MYH3: variants seen among roughly 807,000 people sequenced by gnomAD.
MYH3 encodes the protein myosin-3.
MYH3 carries 130 observed loss-of-function variants against 238.0 expected under a neutral mutation model. The ratio of observed to expected loss-of-function variants is 0.55; its 90% CI spans 0.47 to 0.63. The LOEUF (loss-of-function observed/expected upper bound fraction) is 0.63. MYH3 is among the 30% of genes least tolerant of loss of function. MYH3 has a pLI of 0.00. For missense variants in MYH3, 1,853 were observed against 2,374.9 expected (o/e 0.78, Z 4.57); for synonymous variants, 880 against 924.1 (o/e 0.95, Z 0.86).
chr17:10,666,667 G>C, the MYH3 span, among the ~76,000 whole-genome samples: 3 of 151,886 alleles, frequency 2.0e-5, no homozygotes, highest in Non-Finnish European at 2.9e-5. Flanking sequence ...GAGGCTGAGG[G>C]GGGAGGACTG....
chr17:10,648,814 TA>T (rs2030785797), intron 7 of MYH3, among the ~76,000 whole-genome samples, 165 bp from the exon 8 acceptor site: 1 of 152,190 alleles, frequency 6.6e-6, no homozygotes, highest in South Asian at 2.1e-4. Context: ...TACCTGGGAC[TA>T]CAGGCATGCA....
At chr17:10,663,936 A>G in the MYH3 span, among the ~76,000 whole-genome samples, 3 of 151,646 alleles carry the variant, frequency 2.0e-5, no homozygotes, top group African/African-American at 4.8e-5. Flanking sequence ...GGTGGCGTGC[A>G]CCTGTAATCC....
rs2074411674 is a variant in MYH3, at chr17:10,654,711, G to A, written c.204+150C>T. The stretch of plus-strand genomic sequence containing the variant: ...CAGTATTCACTCTGCTTTCTCTGAG[G>A]ATACCTGGGAAGCCCCAGGCTACAT... On this transcript the variant is annotated intron_variant, in intron 3 of 40. Transcript: ENST00000583535. This position sits in a 1 kb window ranked among gnomAD's most constrained non-coding sequence, Gnocchi z 4.5. 1.3e-6 allele frequency: 1 copy of A among 781,454 alleles called. No individual in the cohort carries two copies. Among genetic ancestry groups the A allele is most frequent in the Non-Finnish European group, 2.3e-6 (1 of 437,694 alleles). 48.4% of individuals were successfully genotyped at this position (781,454 alleles called of 1,614,324 possible).
At position 10,630,262 on chromosome 17, in the gene MYH3, G is replaced by A. The variant is rs772307067; in HGVS notation, c.5457+26C>T. On this transcript the variant is annotated intron_variant, in intron 37 of 40. Coordinates refer to ENST00000583535, the MANE Select transcript of MYH3 (RefSeq NM_002470.4). Reference sequence around the variant, plus strand: ...TGATTGGGAGGCTGGAAAGCTCAGCGCAGGCGGGGTTCCTCCTGCACACAC... The same window carrying A: ...TGATTGGGAGGCTGGAAAGCTCAGCACAGGCGGGGTTCCTCCTGCACACAC... The A allele has an allele frequency of 6.4e-6, 10 of 1,564,284 alleles. No homozygotes were observed. In the African/African-American group the frequency reaches 7.0e-5, roughly 11 times the overall value.
chr17:10,673,849 G>A, the MYH3 span: 1 of 152,272 alleles, frequency 6.6e-6, no homozygotes, highest in East Asian at 1.9e-4. Flanking sequence ...GTTCTGACAG[G>A]GAGTGACAGT....
In MYH3 at chr17:10,632,631, C is replaced by G. The variant is rs764578014; in HGVS notation, c.4801G>C (p.Ala1601Pro). Residue 1601 changes from alanine (A) to proline (P), a missense_variant, in exon 34 of 41, where the codon GCC (alanine) becomes CCC (proline). Physicochemically the swap from Ala to Pro is conservative, Grantham distance 27. This residue lies in a region of MYH3 where 1,044 missense variants were observed against 1,192.6 expected (regional missense o/e 0.88). Transcript: ENST00000583535. ...YQRTVETMQSALDAEVRSRNE... is the reference protein window; with the variant it reads ...YQRTVETMQSPLDAEVRSRNE... ...CTGCTCCGCACCTCGGCGTCCAGGG[C>G]GCTCTGCATGGTTTCCACTGTTCTC... 1 of 1,614,152 alleles carries G rather than the reference C, an allele frequency of 6.2e-7. No individual in the cohort carries two copies. The highest frequency in any genetic ancestry group is 8.5e-7 in the Non-Finnish European group (1 of 1,180,034).
At chr17:10,638,588 C>G (rs772056282) in intron 26 of MYH3, among the ~76,000 whole-genome samples, 156 bp from the exon 27 acceptor site, 1 of 152,146 alleles carries the variant, frequency 6.6e-6, no homozygotes, top group Non-Finnish European at 1.5e-5. Context: ...ATTTTTTCTG[C>G]CCCAACATGG....
intron 17 of MYH3, 49 bp from the exon 18 acceptor site, chr17:10,641,421 G>A: frequency 7.8e-7 from 1 of 1,284,084 alleles, no homozygotes. Context: ...AGGTTTTTAT[G>A]AAGACAGAGA....
chr17:10,634,049 T>G lies in MYH3; in HGVS notation c.4490A>C (p.Glu1497Ala). 6.2e-7 allele frequency: 1 copy of G among 1,614,212 alleles called. No individual in the cohort carries two copies. The highest frequency in any genetic ancestry group is 8.5e-7 in the Non-Finnish European group (1 of 1,180,038). The change falls in exon 32 of 41, where the codon GAA becomes GCA. Residue 1497 changes from glutamate to alanine, a missense_variant. Transcript: ENST00000583535. ...GTTCTTATTTTCCCGTTTCACAGTT[T>G]CAAGTTGATCTAAGGCTTCCTCGTA... is the stretch of plus-strand genomic sequence containing the variant. ...NAYEEALDQL[E>A]TVKRENKNLE...
chr17:10,665,134 A>AT, the MYH3 span, among the ~76,000 whole-genome samples: 1 of 146,576 alleles, frequency 6.8e-6, no homozygotes, highest in African/African-American at 2.5e-5. Context: ...TTATTCATTT[A>AT]TTTTTATTTT....
chr17:10,666,693 C>T, the MYH3 span, among the ~76,000 whole-genome samples: 6 of 151,906 alleles, frequency 3.9e-5, no homozygotes, highest in Non-Finnish European at 8.8e-5. Context: ...GCCCATGAGG[C>T]CAAGGCTACA....
chr17:10,654,173 CCTTG>C lies in MYH3; in HGVS notation c.204+684_204+687del, dbSNP rs918447436. On this transcript the variant is annotated intron_variant, in intron 3 of 40. Transcript: ENST00000583535. The surrounding 1 kb of genome is among the most constrained non-coding windows in gnomAD (Gnocchi z 4.5). ...TTTCTCTTTCTTTCTTTCCTTCCTT[CCTTG>C]CTTTCTTTCTTCCTTCTTTCTTTCC... Among the ~76,000 whole-genome samples, 5 of 151,212 alleles carry C rather than the reference CCTTG, an allele frequency of 3.3e-5. No homozygotes were observed. Among genetic ancestry groups the C allele is most frequent in the Admixed American group, 2.0e-4 (3 of 15,044 alleles).
intron 14 of MYH3, among the ~76,000 whole-genome samples, chr17:10,643,299 G>C (rs999908428): frequency 2.0e-5 from 3 of 151,994 alleles, no homozygotes; most frequent in Admixed American, 6.6e-5. Flanking sequence ...TAGACTACAA[G>C]CTCATCTGTT....
At chr17:10,671,914 T>C in the MYH3 span, among the ~76,000 whole-genome samples, 1 of 152,206 alleles carries the variant, frequency 6.6e-6, no homozygotes, top group Non-Finnish European at 1.5e-5. Context: ...GGTGTTCATC[T>C]TTTATTTCCT....
Position 10,636,067 on chromosome 17 carries a change from G to A in MYH3, c.3857-214C>T, listed in dbSNP as rs372423599. Among the ~76,000 whole-genome samples, 18 of 152,248 alleles carry A rather than the reference G, an allele frequency of 1.2e-4. No individual in the cohort carries two copies. In the East Asian group the frequency reaches 2.9e-3, roughly 25 times the overall value. On this transcript the variant is annotated intron_variant, in intron 28 of 40. Coordinates refer to ENST00000583535, the MANE Select transcript of MYH3 (RefSeq NM_002470.4). The stretch of plus-strand genomic sequence containing the variant: ...AGGCCAGGTGCAGTGGCTCACGCCT[G>A]TAATCCCAGCACTTTGGGAGGCTGA...
intron 28 of MYH3, among the ~76,000 whole-genome samples, chr17:10,637,256 C>T (rs1010119560): frequency 6.6e-6 from 1 of 152,020 alleles, no homozygotes; most frequent in Non-Finnish European, 1.5e-5. Flanking sequence ...GACGGGGTTT[C>T]ACCATGTCGG....
rs1567564110 is a variant in MYH3 at position 10,654,999 on chromosome 17, C to A, written c.66G>T (p.Lys22Asn). The change falls in exon 3 of 41, where the codon AAG (lysine) becomes AAT (asparagine). Residue 22 changes from lysine (K) to asparagine (N), a missense_variant. Transcript: ENST00000583535. The surrounding 1 kb of genome is among the most constrained non-coding windows in gnomAD (Gnocchi z 4.5). ...IAAPFLRKSE[K>N]ERIEAQNQPF... Reference sequence around the variant, plus strand: ...GCTGGTTCTGAGCCTCGATCCTCTCCTTTTCTGACTTCCGGAGGAAAGGAG... The same window carrying A: ...GCTGGTTCTGAGCCTCGATCCTCTCATTTTCTGACTTCCGGAGGAAAGGAG... 2 of 1,614,210 alleles carry A rather than the reference C, an allele frequency of 1.2e-6. No individual in the cohort carries two copies. Among genetic ancestry groups the A allele is most frequent in the Non-Finnish European group, 1.7e-6 (2 of 1,180,032 alleles).
Position 10,642,686 on chromosome 17 carries a change from A to C in MYH3, c.1619T>G (p.Met540Arg). Residue 540 changes from methionine (M) to arginine (R), a missense_variant, in exon 16 of 41, where the codon ATG becomes AGG. Physicochemically the swap from Met to Arg is moderately conservative, Grantham distance 91. Transcript: ENST00000583535. The surrounding 1 kb of genome is among the most constrained non-coding windows in gnomAD (Gnocchi z 5.4). ...GGAGGTGTCTGTTGCCTTGGGGAAC[A>C]TGCACTCCTCTTCCAGGATGGAGAA... Reference protein sequence around the residue: ...GIFSILEEECMFPKATDTSFK... With the variant: ...GIFSILEEECRFPKATDTSFK... The C allele has an allele frequency of 3.1e-6, 5 of 1,614,234 alleles. No individual in the cohort carries two copies. The highest frequency in any genetic ancestry group is 4.2e-6 in the Non-Finnish European group (5 of 1,180,050).
At chr17:10,635,085 T>G in intron 30 of MYH3, 62 bp from the exon 31 acceptor site, 1 of 1,533,442 alleles carries the variant, frequency 6.5e-7, no homozygotes, top group Non-Finnish European at 9.0e-7. Context: ...AACATCACTA[T>G]TCATCAAGTT....
Sources: allele counts gnomAD v4.1 joint callset (sites outside exome capture counted in the v4.1 genomes callset), GRCh38; gene constraint gnomAD v4.1.1; regional missense constraint gnomAD v4.1.1; non-coding constraint Gnocchi (gnomAD v3.1); transcripts MANE v1.5; gene names NCBI Gene and HGNC (gene_info 2026-07-23, HGNC 2026-07-21).